Variants in KAZN observed in about 807,000 individuals in gnomAD.
KAZN encodes the protein kazrin, periplakin interacting protein.
KAZN carries 40 observed loss-of-function variants against 87.4 expected under a neutral mutation model. The ratio of observed to expected loss-of-function variants is 0.46; its 90% CI spans 0.36 to 0.60. The LOEUF (loss-of-function observed/expected upper bound fraction) is 0.60. Ranked by LOEUF, KAZN falls within the 20% of genes least tolerant of loss-of-function variation. The probability of loss-of-function intolerance (pLI) is 0.00; values close to 1 mark genes in which losing one functional copy is unlikely to be tolerated. For missense variants in KAZN, 898 were observed against 1,073.9 expected (o/e 0.84, Z 2.29); for synonymous variants, 466 against 458.3 (o/e 1.02, Z -0.22).
chr1:14,419,857 G>C (rs551551116), intron 2 of KAZN, among the ~76,000 whole-genome samples: 1 of 152,074 alleles, frequency 6.6e-6, no homozygotes, highest in African/African-American at 2.4e-5. Context: ...CCTTTGCGGC[G>C]AGTATTACAG....
At chr1:15,058,473 T>C (rs373455113) in intron 5 of KAZN, among the ~76,000 whole-genome samples, 40 of 152,352 alleles carry the variant, frequency 2.6e-4, no homozygotes, top group African/African-American at 8.2e-4. Flanking sequence ...GCTTAGCCAG[T>C]CTTGTCAAAC....
chr1:14,298,203 TAGC>T (rs1654274482), intron 2 of KAZN, among the ~76,000 whole-genome samples: 1 of 152,154 alleles, frequency 6.6e-6, no homozygotes, highest in South Asian at 2.1e-4. Flanking sequence ...CCAGACTAGG[TAGC>T]AGATTCAGAC....
intron 2 of KAZN, among the ~76,000 whole-genome samples, chr1:14,370,604 G>A (rs893411988): frequency 1.3e-5 from 2 of 152,054 alleles, no homozygotes; most frequent in African/African-American, 2.4e-5. Context: ...TTACATGTGT[G>A]TCCACCTACC....
chr1:14,842,272 G>A (rs949536881), intron 1 of KAZN, among the ~76,000 whole-genome samples: 4 of 152,242 alleles, frequency 2.6e-5, no homozygotes, highest in African/African-American at 9.6e-5. Context: ...TTGAATGCAT[G>A]AATGAATGGC....
chr1:13,930,102 C>T (rs938087172), intron 1 of KAZN, among the ~76,000 whole-genome samples: 29 of 152,160 alleles, frequency 1.9e-4, no homozygotes, highest in African/African-American at 6.8e-4. Context: ...CTTTGCTATG[C>T]GTCTCAGTAG....
chr1:14,537,820 G>C (rs950273895), intron 2 of KAZN, among the ~76,000 whole-genome samples: 2 of 152,194 alleles, frequency 1.3e-5, no homozygotes, highest in Non-Finnish European at 2.9e-5. Flanking sequence ...AGGAGCAATA[G>C]AGGGAAGATG....
At chr1:14,593,276 G>GT (rs1354360397) in intron 2 of KAZN, among the ~76,000 whole-genome samples, 1 of 152,216 alleles carries the variant, frequency 6.6e-6, no homozygotes, top group African/African-American at 2.4e-5. Flanking sequence ...ATATGAATTT[G>GT]TAGGGGACAA....
At chr1:14,837,360 C>T (rs1647373173) in intron 1 of KAZN, among the ~76,000 whole-genome samples, 1 of 151,876 alleles carries the variant, frequency 6.6e-6, no homozygotes, top group Admixed American at 6.6e-5. Flanking sequence ...CCACCATGCC[C>T]TGCTAATTTT....
chr1:13,981,095 A>ATATATATATATATATATATATATATG lies in KAZN; in HGVS notation c.91+87354_91+87355insATATATATATGTATATATATATATAT, dbSNP rs1196413078. Among the ~76,000 whole-genome samples, 817 of 104,058 alleles carry ATATATATATATATATATATATATATG rather than the reference A, an allele frequency of 7.9e-3. 25 individuals carry two copies. Among genetic ancestry groups the ATATATATATATATATATATATATATG allele is most frequent in the African/African-American group, 0.019 (480 of 25,478 alleles). The allele number at this position is 104,058 out of a possible 152,430, so 68.3% of individuals were successfully genotyped here. A position where few individuals can be genotyped will look rare whatever the true frequency, so the allele number is the denominator to read the frequency against. ...AGGTATAAAAAATTACTCTTTATAT[A>ATATATATATATATATATATATATATG]TATATATATATATATGTATATATAA... On this transcript the variant is annotated intron_variant, in intron 1 of 16. Transcript: ENST00000636203.
intron 1 of KAZN, among the ~76,000 whole-genome samples, chr1:14,117,317 C>G (rs1435737230): frequency 6.6e-6 from 1 of 152,058 alleles, no homozygotes; most frequent in Non-Finnish European, 1.5e-5. Flanking sequence ...CTTTCCCGTG[C>G]TCTTCTTGTG....
chr1:14,613,157 C>T (rs1572048368), intron 1 of KAZN, among the ~76,000 whole-genome samples: 2 of 152,134 alleles, frequency 1.3e-5, no homozygotes, highest in East Asian at 1.9e-4. Flanking sequence ...GACTTGCATT[C>T]GAGGTTATGG....
At chr1:14,231,627 A>T (rs1284776636) in intron 2 of KAZN, among the ~76,000 whole-genome samples, 1 of 152,206 alleles carries the variant, frequency 6.6e-6, no homozygotes, top group African/African-American at 2.4e-5. Context: ...GAGATGAAGA[A>T]TTTAAACTTG....
At chr1:14,507,476 G>T (rs914938043) in intron 2 of KAZN, among the ~76,000 whole-genome samples, 1 of 152,142 alleles carries the variant, frequency 6.6e-6, no homozygotes, top group African/African-American at 2.4e-5. Flanking sequence ...ATGGCTAGAA[G>T]ACCTAAAGAG....
intron 2 of KAZN, among the ~76,000 whole-genome samples, chr1:14,562,933 C>T (rs1174177043): frequency 6.6e-6 from 1 of 152,208 alleles, no homozygotes; most frequent in Non-Finnish European, 1.5e-5. Context: ...GTTAAGACAA[C>T]TCATCTCCGA....
intron 1 of KAZN, among the ~76,000 whole-genome samples, chr1:14,059,212 C>T (rs572948976): frequency 6.6e-5 from 10 of 152,296 alleles, no homozygotes; most frequent in African/African-American, 2.4e-4. Flanking sequence ...AAGGCAAAGT[C>T]CCCACAGTAG....
intron 12 of KAZN, 99 bp downstream of exon 12, chr1:15,103,559 T>C (rs1471327329): frequency 5.0e-6 from 4 of 805,964 alleles, no homozygotes; most frequent in East Asian, 2.7e-5. Context: ...CAAATCAATA[T>C]GCAGATCTCA....
At chr1:14,158,662 A>T (rs773837197) in intron 1 of KAZN, among the ~76,000 whole-genome samples, 2 of 152,096 alleles carry the variant, frequency 1.3e-5, no homozygotes, top group Non-Finnish European at 2.9e-5. Flanking sequence ...TTGCTTATAG[A>T]TGCTTTTCAA....
At chr1:14,868,900 A>C (rs185970329) in intron 1 of KAZN, among the ~76,000 whole-genome samples, 1 of 152,088 alleles carries the variant, frequency 6.6e-6, no homozygotes, top group Non-Finnish European at 1.5e-5. Context: ...TGGGGCCAAG[A>C]TAAGAGAACT....
intron 2 of KAZN, among the ~76,000 whole-genome samples, chr1:15,034,093 G>A (rs985173310): frequency 6.6e-6 from 1 of 152,158 alleles, no homozygotes; most frequent in African/African-American, 2.4e-5. Flanking sequence ...AGAGAGACTT[G>A]TATATTCCAG....
Sources: gnomAD v4.1 joint callset for allele counts (sites outside exome capture counted in the v4.1 genomes callset) on GRCh38, gnomAD v4.1.1 for gene constraint, MANE v1.5 for transcripts, NCBI Gene and HGNC (gene_info 2026-07-23, HGNC 2026-07-21) for gene names.